Variants in LRMDA observed in about 807,000 individuals in gnomAD.
LRMDA encodes the protein leucine rich melanocyte differentiation associated.
In LRMDA, 18 loss-of-function variants were observed where a neutral mutation model predicts 29.8. The observed-to-expected ratio is 0.60, with a 90% CI of 0.42 to 0.90. The LOEUF is 0.90. Among genes scored for constraint, LRMDA ranks in the 40% least tolerant of loss-of-function variants. The pLI, the probability that LRMDA is intolerant of heterozygous loss-of-function variation, is 0.00. For missense variants in LRMDA, 273 were observed against 273.9 expected (o/e 1.00, Z 0.02); for synonymous variants, 125 against 109.4 (o/e 1.14, Z -0.89).
chr10:75,686,635 T>C (rs1171119438), intron 2 of LRMDA, among the ~76,000 whole-genome samples: 1 of 152,226 alleles, frequency 6.6e-6, no homozygotes, highest in Non-Finnish European at 1.5e-5. Flanking sequence ...GGTACCCCTA[T>C]AGTTGTTTGT....
intron 2 of LRMDA, among the ~76,000 whole-genome samples, chr10:75,831,048 C>CTT (rs79078199): frequency 3.5e-5 from 5 of 144,146 alleles, no homozygotes; most frequent in Non-Finnish European, 3.1e-5. Context: ...GAAGTCAAAT[C>CTT]TTTTTTTTTT....
intron 5 of LRMDA, among the ~76,000 whole-genome samples, chr10:76,147,513 C>T (rs1348552455): frequency 2.0e-5 from 3 of 152,136 alleles, no homozygotes; most frequent in Admixed American, 6.5e-5. Context: ...ACGTAGCTCT[C>T]GTGCCTTGGT....
intron 5 of LRMDA, among the ~76,000 whole-genome samples, chr10:76,294,841 T>C (rs1840392624): frequency 6.6e-6 from 1 of 152,214 alleles, no homozygotes; most frequent in African/African-American, 2.4e-5. Context: ...CAGCGTAGAC[T>C]ATAGCTTGGG....
At chr10:75,581,795 G>T (rs1301278833) in intron 2 of LRMDA, among the ~76,000 whole-genome samples, 1 of 151,842 alleles carries the variant, frequency 6.6e-6, no homozygotes, top group African/African-American at 2.4e-5. Context: ...GGGGTGGGGG[G>T]CTAGGGGAGG....
chr10:75,696,899 G>A (rs1176281614), intron 2 of LRMDA, among the ~76,000 whole-genome samples: 2 of 152,116 alleles, frequency 1.3e-5, no homozygotes, highest in Non-Finnish European at 2.9e-5. Context: ...TCAGTCCTTC[G>A]TTGGCAGATC....
intron 2 of LRMDA, among the ~76,000 whole-genome samples, chr10:75,862,177 T>TACACACAC (rs1844941723): frequency 1.3e-5 from 1 of 76,524 alleles, no homozygotes; most frequent in South Asian, 5.4e-4. Flanking sequence ...AAACCTTGGG[T>TACACACAC]TCACACACAC....
At chr10:76,296,320 G>T (rs964802912) in intron 5 of LRMDA, among the ~76,000 whole-genome samples, 1 of 152,220 alleles carries the variant, frequency 6.6e-6, no homozygotes, top group Non-Finnish European at 1.5e-5. Flanking sequence ...GTTTCTGGAA[G>T]GCTAAGCTGC....
rs900661557 is a variant in LRMDA, at chr10:76,007,626, C to G, written c.132-28382C>G. ...AGGGAAGAAAGTTCTCCCTTCTCCC[C>G]GCCATCCCAAACCTAGAGGACATCT... On this transcript the variant is annotated intron_variant, in intron 2 of 6. Transcript: ENST00000611255. 6.6e-5 allele frequency among the ~76,000 whole-genome samples: 10 copies of G among 152,266 alleles called. No homozygotes were observed. In the South Asian group the frequency reaches 2.1e-3, roughly 32 times the overall value.
intron 6 of LRMDA, among the ~76,000 whole-genome samples, chr10:76,372,362 C>G (rs1841464562): frequency 6.6e-6 from 1 of 152,130 alleles, no homozygotes; most frequent in African/African-American, 2.4e-5. Context: ...CCTGTAATCC[C>G]AGCACTTTGG....
chr10:76,427,079 C>T lies in LRMDA; in HGVS notation c.601+102594C>T, dbSNP rs375528333. 5.6e-4 allele frequency among the ~76,000 whole-genome samples: 86 copies of T among 152,222 alleles called. No individual in the cohort carries two copies. In the South Asian group the frequency reaches 0.014, roughly 25 times the overall value. On this transcript the variant is annotated intron_variant, in intron 6 of 6. Coordinates refer to ENST00000611255, the MANE Select transcript of LRMDA (RefSeq NM_001305581.2). ...TTCTTTTGGCTTAGGATTGACTTGG[C>T]GATGCGGACTCTTTTTTGGTTCCAT...
In LRMDA at chr10:75,863,266, G is replaced by A. The variant is rs150256878; in HGVS notation, c.132-172742G>A. On this transcript the variant is annotated intron_variant, in intron 2 of 6. Coordinates refer to ENST00000611255, the MANE Select transcript of LRMDA (RefSeq NM_001305581.2). ...AGGGGAAGGCAAGTAGTTATTGATC[G>A]GAATTTACATGTTTACTGTTGTAAT... is the stretch of plus-strand genomic sequence containing the variant. Among the ~76,000 whole-genome samples, 441 of 152,226 alleles carry A rather than the reference G, an allele frequency of 2.9e-3. 2 individuals are homozygous for A. The highest frequency in any genetic ancestry group is 0.01 in the African/African-American group (423 of 41,538).
intron 2 of LRMDA, among the ~76,000 whole-genome samples, chr10:75,512,643 G>T (rs953264887): frequency 1.3e-5 from 2 of 152,156 alleles, no homozygotes; most frequent in African/African-American, 4.8e-5. Context: ...GGGCAGAACT[G>T]GTTTGGGTCG....
intron 5 of LRMDA, among the ~76,000 whole-genome samples, chr10:76,122,941 CTG>C (rs1484710518): frequency 6.6e-6 from 1 of 152,154 alleles, no homozygotes; most frequent in African/African-American, 2.4e-5. Flanking sequence ...GGTTCCACCT[CTG>C]TTATGTCTCC....
chr10:76,050,551 G>A (rs986270575), intron 4 of LRMDA, among the ~76,000 whole-genome samples: 2 of 152,188 alleles, frequency 1.3e-5, no homozygotes, highest in African/African-American at 4.8e-5. Flanking sequence ...AAACCTGTCT[G>A]TGATTTTCAG....
chr10:75,901,417 A>G (rs1243470185), intron 2 of LRMDA, among the ~76,000 whole-genome samples: 2 of 151,612 alleles, frequency 1.3e-5, no homozygotes, highest in Non-Finnish European at 2.9e-5. Context: ...TATTTCATTT[A>G]TTTTCTCCCA....
intron 2 of LRMDA, among the ~76,000 whole-genome samples, chr10:75,834,668 T>C (rs973123484): frequency 1.3e-5 from 2 of 152,224 alleles, no homozygotes; most frequent in Non-Finnish European, 2.9e-5. Flanking sequence ...TCCATGTAAC[T>C]GTAGGACACA....
intron 6 of LRMDA, among the ~76,000 whole-genome samples, chr10:76,348,478 A>T (rs1386751638): frequency 6.6e-6 from 1 of 152,240 alleles, no homozygotes; most frequent in African/African-American, 2.4e-5. Flanking sequence ...ACACCCTGGC[A>T]TCTACTGTTT....
intron 2 of LRMDA, among the ~76,000 whole-genome samples, chr10:75,935,821 C>T (rs904981260): frequency 3.9e-5 from 6 of 152,078 alleles, no homozygotes; most frequent in African/African-American, 7.2e-5. Flanking sequence ...CTGCTGCTGG[C>T]AGGCCTGCCC....
chr10:75,451,252 A>C (rs1197783155), intron 2 of LRMDA: 2 of 152,228 alleles, frequency 1.3e-5, no homozygotes, highest in African/African-American at 2.4e-5. Context: ...TGTCATGCTT[A>C]AATGTGTAGT....
Sources: gnomAD v4.1 joint callset for allele counts (sites outside exome capture counted in the v4.1 genomes callset) on GRCh38, gnomAD v4.1.1 for gene constraint, MANE v1.5 for transcripts, NCBI Gene and HGNC (gene_info 2026-07-23, HGNC 2026-07-21) for gene names.